RMDN2: variants seen among roughly 807,000 people sequenced by gnomAD.
RMDN2 encodes the protein regulator of microtubule dynamics 2.
RMDN2 carries 61 observed loss-of-function variants against 52.8 expected under a neutral mutation model. That is an observed-to-expected ratio of 1.16 (90% CI 0.94 to 1.43). RMDN2 has a LOEUF of 1.43. Ranked by LOEUF, RMDN2 falls within the 40% of genes most tolerant of loss-of-function variation. The pLI, the probability that RMDN2 is intolerant of heterozygous loss-of-function variation, is 0.00. For synonymous variants in RMDN2, 180 were observed against 153.1 expected, an observed-to-expected ratio of 1.18 and a Z score of -1.30; for missense variants, 592 against 475.3, an observed-to-expected ratio of 1.25 and a Z score of -2.28.
chr2:38,006,413 C>T (rs1196707533), intron 10 of RMDN2, among the ~76,000 whole-genome samples: 2 of 152,162 alleles, frequency 1.3e-5, no homozygotes, highest in Non-Finnish European at 2.9e-5. Flanking sequence ...TCGAAGAGGT[C>T]CTTCACGTCC....
Position 38,028,920 on chromosome 2 carries a change from A to G in RMDN2, c.1713+24704A>G, listed in dbSNP as rs76733638. On this transcript the variant is annotated intron_variant, in intron 10 of 10. Coordinates refer to the RMDN2 transcript ENST00000234195. ...GGAGGTTGGAAATTGCCTCCTGACC[A>G]TCCCCAGAGTCAAATCTGCCATGGC... is the stretch of plus-strand genomic sequence containing the variant. Among the ~76,000 whole-genome samples the G allele has an allele frequency of 4.2e-4, 64 of 152,236 alleles. No individual in the cohort carries two copies. In the East Asian group the frequency reaches 0.01, roughly 24 times the overall value.
At chr2:38,015,973 A>G (rs922463855) in intron 10 of RMDN2, among the ~76,000 whole-genome samples, 2 of 152,244 alleles carry the variant, frequency 1.3e-5, no homozygotes, top group Non-Finnish European at 2.9e-5. Flanking sequence ...GCTCCAAACC[A>G]TAACCTGAGT....
chr2:37,963,362 G>C (rs557559120), intron 2 of RMDN2, among the ~76,000 whole-genome samples: 39 of 141,766 alleles, frequency 2.8e-4, no homozygotes, highest in East Asian at 2.2e-3. Context: ...GTGTTTCTCG[G>C]AGAGGGGGAT....
chr2:37,953,458 A>G (rs143537273), intron 2 of RMDN2, among the ~76,000 whole-genome samples: 3 of 152,170 alleles, frequency 2.0e-5, no homozygotes, highest in African/African-American at 7.2e-5. Context: ...TGACCAGCTT[A>G]TTTCACTTAG....
intron 10 of RMDN2, chr2:38,012,697 A>G: frequency 2.3e-6 from 1 of 433,558 alleles, no homozygotes. Context: ...AAATAGGATG[A>G]AGTGAGTTAT....
intron 4 of RMDN2, among the ~76,000 whole-genome samples, chr2:37,976,830 AT>A (rs1195612943): frequency 3.3e-5 from 5 of 151,022 alleles, no homozygotes; most frequent in Non-Finnish European, 5.9e-5. Flanking sequence ...TATTAAATAC[AT>A]TTTTTTCTTT....
intron 10 of RMDN2, among the ~76,000 whole-genome samples, chr2:38,009,759 G>T (rs1349463786): frequency 1.3e-5 from 2 of 152,168 alleles, no homozygotes; most frequent in African/African-American, 4.8e-5. Context: ...GTGAGGAGCT[G>T]CATTCCTTTG....
intron 10 of RMDN2, among the ~76,000 whole-genome samples, chr2:38,044,723 T>C (rs980676267): frequency 6.6e-6 from 1 of 152,158 alleles, no homozygotes; most frequent in Non-Finnish European, 1.5e-5. Flanking sequence ...GCATTTTTGA[T>C]TTCTGGCACT....
chr2:37,979,894 ATCAT>A (rs1240507862), intron 4 of RMDN2, among the ~76,000 whole-genome samples: 1 of 152,184 alleles, frequency 6.6e-6, no homozygotes, highest in Non-Finnish European at 1.5e-5. Context: ...CATGTTTTTA[ATCAT>A]TCATTTAAAA....
downstream of RMDN2, among the ~76,000 whole-genome samples, chr2:38,019,239 C>T (rs768892090): frequency 3.9e-5 from 6 of 152,138 alleles, no homozygotes; most frequent in African/African-American, 1.2e-4. Context: ...CAACTCATTC[C>T]GGCAGAGTGG....
chr2:37,933,978 A>G (rs1667081581), intron 2 of RMDN2, among the ~76,000 whole-genome samples: 1 of 152,218 alleles, frequency 6.6e-6, no homozygotes, highest in African/African-American at 2.4e-5. Context: ...AAGACTGGCC[A>G]TGGGGAGGAA....
Position 38,017,715 on chromosome 2 carries a change from A to G in RMDN2, c.*476A>G, listed in dbSNP as rs962172101. The G allele has an allele frequency of 7.3e-6, 3 of 408,692 alleles. No homozygotes were observed. The highest frequency in any genetic ancestry group is 2.4e-5 in the South Asian group (1 of 40,980). 25.3% of individuals were successfully genotyped at this position (408,692 alleles called of 1,614,324 possible). Reference sequence around the variant, plus strand: ...CTGGTAATCAAAAGATGTGAATAAAATTACAATAAAATACTGTTTTACCAT... The same window carrying G: ...CTGGTAATCAAAAGATGTGAATAAAGTTACAATAAAATACTGTTTTACCAT... On this transcript the variant is annotated 3_prime_UTR_variant, in exon 11 of 11. Transcript: ENST00000354545.
At chr2:38,013,451 T>C (rs1425342002) in intron 10 of RMDN2, among the ~76,000 whole-genome samples, 1 of 152,176 alleles carries the variant, frequency 6.6e-6, no homozygotes, top group East Asian at 1.9e-4. Flanking sequence ...CAAAAAGAAG[T>C]GTACTCTGGG....
chr2:37,960,402 TACCTTGA>T (rs1361474184), intron 2 of RMDN2, among the ~76,000 whole-genome samples: 2 of 151,792 alleles, frequency 1.3e-5, no homozygotes, highest in Non-Finnish European at 2.9e-5. Flanking sequence ...ATTATGTAAT[TACCTTGA>T]TTTTTTTATT....
chr2:37,988,237 G>C (rs1674305067), intron 5 of RMDN2, among the ~76,000 whole-genome samples: 1 of 152,168 alleles, frequency 6.6e-6, no homozygotes, highest in South Asian at 2.1e-4. Flanking sequence ...TTATAAAGCA[G>C]TTTGAGAGTC....
chr2:37,966,194 G>A (rs1322116832), intron 2 of RMDN2, among the ~76,000 whole-genome samples: 1 of 152,130 alleles, frequency 6.6e-6, no homozygotes, highest in Non-Finnish European at 1.5e-5. Context: ...GGCCGAGGCA[G>A]GTGGATCACG....
chr2:38,057,828 G>A (rs1047043846), intron 10 of RMDN2, among the ~76,000 whole-genome samples: 3 of 150,208 alleles, frequency 2.0e-5, no homozygotes, highest in East Asian at 1.9e-4. Flanking sequence ...TGTAAGAAGT[G>A]CCTGTTTCCC....
intron 8 of RMDN2, 67 bp from the exon 9 acceptor site, chr2:38,003,924 C>T (rs1676699198): frequency 2.5e-6 from 3 of 1,178,020 alleles, no homozygotes; most frequent in East Asian, 2.3e-5. Context: ...AATATATTCT[C>T]TTCACTTGTG....
rs535525493 is a variant in RMDN2 at position 38,044,267 on chromosome 2, C to G, written c.1714-22715C>G. On this transcript the variant is annotated intron_variant, in intron 10 of 10. Coordinates refer to the RMDN2 transcript ENST00000234195. ...TGATGTAATTCTTATTGTTGTCTCT[C>G]TACAGGTAAAGTATTTAGTTCCTCT... is the stretch of plus-strand genomic sequence containing the variant. Among the ~76,000 whole-genome samples the G allele has an allele frequency of 3.3e-5, 5 of 152,056 alleles. 1 individual carries two copies. In the South Asian group the frequency reaches 1.0e-3, roughly 31 times the overall value.
Sources: allele counts gnomAD v4.1 joint callset (sites outside exome capture counted in the v4.1 genomes callset), GRCh38; gene constraint gnomAD v4.1.1; transcripts MANE v1.5; gene names NCBI Gene and HGNC (gene_info 2026-07-23, HGNC 2026-07-21).